MAP10: variants seen among roughly 807,000 people sequenced by gnomAD.
MAP10 encodes the protein microtubule-associated protein 10.
In MAP10, 10 loss-of-function variants were observed where a neutral mutation model predicts 6.3. The ratio of observed to expected loss-of-function variants is 1.58; its 90% CI spans 0.98 to 2.69. The LOEUF (loss-of-function observed/expected upper bound fraction) is 2.69, where lower values mean the gene tolerates loss of function less well. Ranked by LOEUF, MAP10 falls within the 30% of genes most tolerant of loss-of-function variation. The pLI, the probability that MAP10 is intolerant of heterozygous loss-of-function variation, is 0.00. For synonymous variants in MAP10, 459 were observed against 429.3 expected (o/e 1.07, Z -0.86); for missense variants, 1,189 against 1,086.5 (o/e 1.09, Z -1.33).
rs1231673273 is a variant in MAP10 at position 232,805,610 on chromosome 1, G to T, written c.161G>T (p.Cys54Phe). Residue 54 changes from cysteine to phenylalanine, a missense_variant, in exon 1 of 1, where the codon TGC becomes TTC. Transcript: ENST00000418460. ...GAGGCCTCGTCGCCGCGCGGTCTGT[G>T]CCCCGCCGTGGCCTTCCGCCTGCTG... ...QGEASSPRGL[C>F]PAVAFRLLDF... is the part of the protein sequence containing the mutation. 1.9e-6 allele frequency: 3 copies of T among 1,562,712 alleles called. No individual in the cohort carries two copies. The highest frequency in any genetic ancestry group is 2.3e-5 in the South Asian group (2 of 85,964).
chr1:232,808,129 G>T, the MAP10 span: 1 of 1,579,768 alleles, frequency 6.3e-7, no homozygotes, highest in Non-Finnish European at 8.6e-7. Context: ...AGATATTTGT[G>T]AATTAGTAAT....
In MAP10 at chr1:232,808,760, T is replaced by C. The variant is rs1018944956; in HGVS notation, c.*593T>C. 3.3e-5 allele frequency among the ~76,000 whole-genome samples: 5 copies of C among 152,168 alleles called. No individual in the cohort carries two copies. Among genetic ancestry groups the C allele is most frequent in the Non-Finnish European group, 4.4e-5 (3 of 67,990 alleles). On this transcript the variant is annotated 3_prime_UTR_variant, in exon 1 of 1. Transcript: ENST00000418460. Reference sequence around the variant, plus strand: ...GTGATTACTTGATTAAAGTTTATCTTCCACTAGGCTTCAGTTGTGTGATGG... The same window carrying C: ...GTGATTACTTGATTAAAGTTTATCTCCCACTAGGCTTCAGTTGTGTGATGG...
In MAP10 at chr1:232,807,262, T is replaced by G. The variant is rs375393818; in HGVS notation, c.1813T>G (p.Cys605Gly). 5.0e-6 allele frequency: 8 copies of G among 1,613,210 alleles called. No individual in the cohort carries two copies. The highest frequency in any genetic ancestry group is 2.2e-5 in the South Asian group (2 of 90,852). Reference sequence around the variant, plus strand: ...TGCAACTGAAAAAAAGACAGTTGATTGTAGTAAAAATAGAATCAATAATGT... The same window carrying G: ...TGCAACTGAAAAAAAGACAGTTGATGGTAGTAAAAATAGAATCAATAATGT... ...KYATEKKTVD[C>G]SKNRINNVSL... The change falls in exon 1 of 1, where the codon TGT (cysteine) becomes GGT (glycine). Residue 605 changes from cysteine (C) to glycine (G), a missense_variant. By Grantham distance (159) the Cys-to-Gly change is radical (BLOSUM62 -3). Coordinates refer to ENST00000418460, the MANE Select transcript of MAP10 (RefSeq NM_019090.3).
rs752028558 is a variant in MAP10 at position 232,805,937 on chromosome 1, C to T, written c.488C>T (p.Pro163Leu). 4 of 1,612,202 alleles carry T rather than the reference C, an allele frequency of 2.5e-6. No individual in the cohort carries two copies. The highest frequency in any genetic ancestry group is 3.4e-6 in the Non-Finnish European group (4 of 1,179,496). ...GCSHRHRGRF[P>L]LHNRVGERTG... ...TCCCACCGTCACCGGGGACGTTTCCCCCTGCATAATCGAGTGGGCGAGCGG... is the reference window on the plus strand; with the variant it reads ...TCCCACCGTCACCGGGGACGTTTCCTCCTGCATAATCGAGTGGGCGAGCGG... Residue 163 changes from proline (P) to leucine (L), a missense_variant, in exon 1 of 1, where the codon CCC (proline) becomes CTC (leucine). Coordinates refer to ENST00000418460, the MANE Select transcript of MAP10 (RefSeq NM_019090.3).
rs896034745 is a variant in MAP10, at chr1:232,808,121, A to G, written c.2672A>G (p.Asp891Gly). 9 of 1,584,002 alleles carry G rather than the reference A, an allele frequency of 5.7e-6. No homozygotes were observed. In the Admixed American group the frequency reaches 1.6e-4, roughly 27 times the overall value. ...GSLNISKQCK[D>G]ICELVINKLP... ...CTAAATATTTCCAAGCAATGCAAAG[A>G]TATTTGTGAATTAGTAATAAATAAA... is the stretch of plus-strand genomic sequence containing the variant. The change falls in exon 1 of 1, where the codon GAT (aspartate) becomes GGT (glycine). Residue 891 changes from aspartate to glycine, a missense_variant. By Grantham distance (94) the Asp-to-Gly change is moderately conservative. Coordinates refer to ENST00000418460, the MANE Select transcript of MAP10 (RefSeq NM_019090.3).
Position 232,805,426 on chromosome 1 carries a change from G to A in MAP10, c.-24G>A, listed in dbSNP as rs1158710428. Reference sequence around the variant, plus strand: ...CAGCTTCTCGTTTGCGGAGCCCGCGGCGGCGTTTCCTGGGGCAACAGCAAT... The same window carrying A: ...CAGCTTCTCGTTTGCGGAGCCCGCGACGGCGTTTCCTGGGGCAACAGCAAT... On this transcript the variant is annotated 5_prime_UTR_variant, in exon 1 of 1. Transcript: ENST00000418460. The A allele has an allele frequency of 6.2e-7, 1 of 1,612,680 alleles. No homozygotes were observed. The highest frequency in any genetic ancestry group is 1.8e-4 in the Middle Eastern group (1 of 5,698).
At position 232,808,450 on chromosome 1, in the gene MAP10, A is replaced by C; in HGVS notation, c.*283A>C. On this transcript the variant is annotated 3_prime_UTR_variant, in exon 1 of 1. Coordinates refer to ENST00000418460, the MANE Select transcript of MAP10 (RefSeq NM_019090.3). ...TCTAGTCTACAGTATTGATCATTCT[A>C]AAGCTGACTTCATGCACACCACTGA... 4.4e-6 allele frequency: 1 copy of C among 226,432 alleles called. No homozygotes were observed. The highest frequency in any genetic ancestry group is 9.3e-6 in the Non-Finnish European group (1 of 107,610). The allele number at this position is 226,432 out of a possible 1,614,324, so 14.0% of individuals were successfully genotyped here.
chr1:232,809,521 A>G lies in MAP10; in HGVS notation c.*1354A>G, dbSNP rs1666165495. On this transcript the variant is annotated 3_prime_UTR_variant, in exon 1 of 1. Transcript: ENST00000418460. ...GAATAGAATGATCCACTCATGCTAC[A>G]GAGTGGTAGAAAGGACATTTGTTGA... is the stretch of plus-strand genomic sequence containing the variant. 1.3e-5 allele frequency among the ~76,000 whole-genome samples: 2 copies of G among 152,096 alleles called. No homozygotes were observed.
In MAP10 at chr1:232,808,350, A is replaced by G. The variant is rs987463104; in HGVS notation, c.*183A>G. The G allele has an allele frequency of 1.4e-4, 65 of 468,424 alleles. No individual in the cohort carries two copies. The highest frequency in any genetic ancestry group is 1.3e-3 in the African/African-American group (64 of 50,170). 29.0% of individuals were successfully genotyped at this position (468,424 alleles called of 1,614,324 possible). A position where few individuals can be genotyped will look rare whatever the true frequency, so the allele number is the denominator to read the frequency against. ...CTGATAATATTGATTATTAAATCAT[A>G]TAAACAGATTTCTTTTTAAATTGTT... On this transcript the variant is annotated 3_prime_UTR_variant, in exon 1 of 1. Transcript: ENST00000418460.
At position 232,805,542 on chromosome 1, in the gene MAP10, C is replaced by T. The variant is rs370965910; in HGVS notation, c.93C>T (p.Ala31=). The change falls in exon 1 of 1, where the codon GCC becomes GCT. Residue 31 remains alanine, a synonymous_variant. Coordinates refer to ENST00000418460, the MANE Select transcript of MAP10 (RefSeq NM_019090.3). ...CCCGGCTGCTGCCGTCCCCCGCTGC[C>T]GCAGTGGAGCAGGAGGAGGAAGAGG... ...LEARLLPSPA[A]AVEQEEEEEE... 298 of 1,561,362 alleles carry T rather than the reference C, an allele frequency of 1.9e-4. No individual in the cohort carries two copies. The highest frequency in any genetic ancestry group is 2.5e-4 in the Non-Finnish European group (284 of 1,152,956).
Position 232,807,823 on chromosome 1 carries a change from T to C in MAP10, c.2374T>C (p.Ser792Pro). Residue 792 changes from serine (S) to proline (P), a missense_variant, in exon 1 of 1, where the codon TCT becomes CCT. Physicochemically the swap from Ser to Pro is moderately conservative, Grantham distance 74. Transcript: ENST00000418460. ...KTQDKSLEEA[S>P]SISASDLSST... ...TCAGGATAAAAGTTTGGAGGAAGCA[T>C]CTAGTATCTCTGCTAGTGATTTATC... The C allele has an allele frequency of 6.2e-7, 1 of 1,613,504 alleles. No individual in the cohort carries two copies. The highest frequency in any genetic ancestry group is 8.5e-7 in the Non-Finnish European group (1 of 1,179,698).
In MAP10 at chr1:232,807,192, A is replaced by C; in HGVS notation, c.1743A>C (p.Gly581=). Residue 581 remains glycine (G), a synonymous_variant, in exon 1 of 1, where the codon GGA becomes GGC. Transcript: ENST00000418460. ...ENSDTSRQIS[G]VFDEPSTSKE... Reference sequence around the variant, plus strand: ...GTGATACCTCAAGACAAATCAGTGGAGTTTTTGATGAGCCCAGCACAAGTA... The same window carrying C: ...GTGATACCTCAAGACAAATCAGTGGCGTTTTTGATGAGCCCAGCACAAGTA... 6.2e-7 allele frequency: 1 copy of C among 1,613,666 alleles called. No individual in the cohort carries two copies. Among genetic ancestry groups the C allele is most frequent in the Non-Finnish European group, 8.5e-7 (1 of 1,179,718 alleles).
In MAP10 at chr1:232,807,597, T is replaced by C; in HGVS notation, c.2148T>C (p.Ser716=). Residue 716 remains serine (S), a synonymous_variant, in exon 1 of 1, where the codon AGT becomes AGC. Transcript: ENST00000418460. The stretch of plus-strand genomic sequence containing the variant: ...GCTATTCTGAAGATTTCTGTACCAG[T>C]GAGGACACCAGCAGAAGTTTCAAAG... ...SPCYSEDFCT[S]EDTSRSFKAH... is the part of the protein sequence containing the mutation. The C allele has an allele frequency of 6.2e-7, 1 of 1,610,398 alleles. No homozygotes were observed. Among genetic ancestry groups the C allele is most frequent in the Non-Finnish European group, 8.5e-7 (1 of 1,178,022 alleles).
Position 232,806,262 on chromosome 1 carries a change from T to C in MAP10, c.813T>C (p.Val271=). The change falls in exon 1 of 1, where the codon GTT becomes GTC. Residue 271 remains valine, a synonymous_variant. Transcript: ENST00000418460. The part of the protein sequence containing the change: ...SVENGKTNSV[V]TCSGAGNGRN... ...AGAATGGCAAAACCAATTCTGTTGT[T>C]ACATGTTCAGGTGCTGGCAATGGGA... 3 of 1,613,994 alleles carry C rather than the reference T, an allele frequency of 1.9e-6. No individual in the cohort carries two copies. Among genetic ancestry groups the C allele is most frequent in the Non-Finnish European group, 2.5e-6 (3 of 1,179,896 alleles).
rs760799986 is a variant in MAP10 at position 232,805,832 on chromosome 1, C to G, written c.383C>G (p.Thr128Ser). Residue 128 changes from threonine to serine, a missense_variant, in exon 1 of 1, where the codon ACC (threonine) becomes AGC (serine). Coordinates refer to ENST00000418460, the MANE Select transcript of MAP10 (RefSeq NM_019090.3). ...LQLPPGRPTP[T>S]PQLLGACDIS... The stretch of plus-strand genomic sequence containing the variant: ...CTGCCCCCTGGGCGCCCGACGCCCA[C>G]CCCACAGCTCCTGGGGGCCTGCGAC... The G allele has an allele frequency of 1.4e-5, 22 of 1,589,560 alleles. No homozygotes were observed. The highest frequency in any genetic ancestry group is 1.8e-5 in the Non-Finnish European group (21 of 1,168,328).
rs754690337 is a variant in MAP10, at chr1:232,805,429, G to A, written c.-21G>A. Reference sequence around the variant, plus strand: ...CTTCTCGTTTGCGGAGCCCGCGGCGGCGTTTCCTGGGGCAACAGCAATGGC... The same window carrying A: ...CTTCTCGTTTGCGGAGCCCGCGGCGACGTTTCCTGGGGCAACAGCAATGGC... On this transcript the variant is annotated 5_prime_UTR_variant, in exon 1 of 1. Coordinates refer to ENST00000418460, the MANE Select transcript of MAP10 (RefSeq NM_019090.3). 9 of 1,612,342 alleles carry A rather than the reference G, an allele frequency of 5.6e-6. No homozygotes were observed. In the South Asian group the frequency reaches 9.9e-5, roughly 18 times the overall value.
At position 232,807,710 on chromosome 1, in the gene MAP10, A is replaced by G; in HGVS notation, c.2261A>G (p.Asn754Ser). The G allele has an allele frequency of 6.2e-7, 1 of 1,613,782 alleles. No individual in the cohort carries two copies. The highest frequency in any genetic ancestry group is 8.5e-7 in the Non-Finnish European group (1 of 1,179,780). Residue 754 changes from asparagine (N) to serine (S), a missense_variant, in exon 1 of 1, where the codon AAT becomes AGT. Physicochemically the swap from Asn to Ser is conservative, Grantham distance 46. Coordinates refer to ENST00000418460, the MANE Select transcript of MAP10 (RefSeq NM_019090.3). ...GACACAGGAGTGTCCAAAAAGAAAA[A>G]TAGTAGTGACAGGAGTTCTATCCTT... Reference protein sequence around the residue: ...SSDTGVSKKKNSSDRSSILSP... With the variant: ...SSDTGVSKKKSSSDRSSILSP...
At position 232,805,466 on chromosome 1, in the gene MAP10, C is replaced by T; in HGVS notation, c.17C>T (p.Ser6Phe). MAASL[S>F]ERLFSLELLV... ...GCAACAGCAATGGCGGCCTCGCTGT[C>T]CGAGCGGCTCTTCTCGCTGGAGCTG... Residue 6 changes from serine (S) to phenylalanine (F), a missense_variant, in exon 1 of 1, where the codon TCC becomes TTC. By Grantham distance (155) the Ser-to-Phe change is radical. Transcript: ENST00000418460. 6.2e-7 allele frequency: 1 copy of T among 1,601,392 alleles called. No individual in the cohort carries two copies. Among genetic ancestry groups the T allele is most frequent in the Non-Finnish European group, 8.5e-7 (1 of 1,173,838 alleles).
In MAP10 at chr1:232,807,313, G is replaced by A. The variant is rs1010507156; in HGVS notation, c.1864G>A (p.Ala622Thr). ...TTCATTGGAAGAAGTTGTGAGTCCT[G>A]CAAATTCCATTATTCCAGAAAGGCT... ...NVSLEEVVSP[A>T]NSIIPERLTP... is the part of the protein sequence containing the mutation. Residue 622 changes from alanine (A) to threonine (T), a missense_variant, in exon 1 of 1, where the codon GCA becomes ACA. Transcript: ENST00000418460. 1 of 1,613,714 alleles carries A rather than the reference G, an allele frequency of 6.2e-7. No homozygotes were observed. Among genetic ancestry groups the A allele is most frequent in the Non-Finnish European group, 8.5e-7 (1 of 1,179,836 alleles).
Sources: allele counts gnomAD v4.1 joint callset (sites outside exome capture counted in the v4.1 genomes callset), GRCh38; gene constraint gnomAD v4.1.1; transcripts MANE v1.5; gene names NCBI Gene and HGNC (gene_info 2026-07-23, HGNC 2026-07-21).